PROCR: variants seen among roughly 807,000 people sequenced by gnomAD.
The protein encoded by PROCR is protein C receptor.
In PROCR, 22 loss-of-function variants were observed where a neutral mutation model predicts 24.2. That is an observed-to-expected ratio of 0.91 (90% CI 0.65 to 1.30). The LOEUF (loss-of-function observed/expected upper bound fraction) is 1.30. PROCR is among the 50% of genes most tolerant of loss of function. PROCR has a pLI of 0.00. For synonymous variants in PROCR, 137 were observed against 139.2 expected, an observed-to-expected ratio of 0.98 and a Z score of 0.11; for missense variants, 288 against 307.7, an observed-to-expected ratio of 0.94 and a Z score of 0.48.
chr20:35,179,993 C>T (rs374528789), downstream of PROCR, among the ~76,000 whole-genome samples: 1 of 152,098 alleles, frequency 6.6e-6, no homozygotes, highest in East Asian at 1.9e-4. Context: ...CGCTTGTAAT[C>T]GCAGCACTTT....
chr20:35,187,016 A>G (rs993384392), intron 1 of PROCR, among the ~76,000 whole-genome samples: 1 of 152,060 alleles, frequency 6.6e-6, no homozygotes, highest in Non-Finnish European at 1.5e-5. Context: ...AAACATGTTA[A>G]CAATTAGGTC....
intron 1 of PROCR, among the ~76,000 whole-genome samples, chr20:35,199,451 T>G (rs2060310854): frequency 6.6e-6 from 1 of 152,142 alleles, no homozygotes; most frequent in Admixed American, 6.6e-5. Context: ...GATTTTCAAG[T>G]CTTATTTAAG....
intron 1 of PROCR, among the ~76,000 whole-genome samples, chr20:35,204,406 T>TCC (rs2060330353): frequency 7.3e-6 from 1 of 137,296 alleles, no homozygotes; most frequent in African/African-American, 2.7e-5. Context: ...CCTTCTCTCT[T>TCC]TTCTTTCCTT....
chr20:35,205,825 A>C (rs1378544671), intron 1 of PROCR, among the ~76,000 whole-genome samples: 1 of 139,816 alleles, frequency 7.2e-6, no homozygotes, highest in Admixed American at 7.1e-5. Context: ...ATATATACAT[A>C]TATCTACATA....
intron 1 of PROCR, among the ~76,000 whole-genome samples, chr20:35,200,362 A>T (rs1032388753): frequency 6.6e-5 from 10 of 152,170 alleles, no homozygotes; most frequent in Non-Finnish European, 1.2e-4. Context: ...TTGTTGTCTT[A>T]TTTTAAGAAA....
At chr20:35,211,195 C>T (rs1167692187) in intron 1 of PROCR, among the ~76,000 whole-genome samples, 1 of 152,160 alleles carries the variant, frequency 6.6e-6, no homozygotes, top group Non-Finnish European at 1.5e-5. Flanking sequence ...CTATTGCATA[C>T]CCCATTTGAA....
intron 1 of PROCR, among the ~76,000 whole-genome samples, chr20:35,173,118 TCA>T (rs2085966126): frequency 1.3e-5 from 2 of 152,146 alleles, no homozygotes; most frequent in Admixed American, 6.5e-5. Context: ...CAGGACCCAC[TCA>T]CACACACAGA....
chr20:35,190,883 C>T (rs1361398364), intron 1 of PROCR, among the ~76,000 whole-genome samples: 1 of 152,110 alleles, frequency 6.6e-6, no homozygotes, highest in East Asian at 1.9e-4. Context: ...TTTTTTGAGA[C>T]AGAGTCTCGC....
At chr20:35,201,183 A>G in intron 1 of PROCR, among the ~76,000 whole-genome samples, 1 of 151,812 alleles carries the variant, frequency 6.6e-6, no homozygotes, top group African/African-American at 2.4e-5. Context: ...AAAAAAAACC[A>G]CAAAAGATAT....
At chr20:35,178,523 T>TG (rs1343022406), downstream of PROCR, among the ~76,000 whole-genome samples, 1 of 56,608 alleles carries the variant, frequency 1.8e-5, no homozygotes, top group African/African-American at 1.4e-4. Context: ...TTTTTTTTTT[T>TG]TTTTTTTTTT....
intron 1 of PROCR, chr20:35,174,296 T>G: frequency 3.4e-6 from 1 of 291,498 alleles, no homozygotes; most frequent in South Asian, 3.6e-5. Flanking sequence ...ACTACCCCAG[T>G]CTAGATGAGA....
chr20:35,199,968 A>G (rs1007456238), intron 1 of PROCR, among the ~76,000 whole-genome samples: 7 of 152,212 alleles, frequency 4.6e-5, no homozygotes, highest in South Asian at 4.1e-4. Flanking sequence ...GAGAGGTTCA[A>G]GTCTTCAGTG....
At chr20:35,203,353 C>T (rs2060325885) in intron 1 of PROCR, 1 of 152,142 alleles carries the variant, frequency 6.6e-6, no homozygotes, top group Non-Finnish European at 1.5e-5. Flanking sequence ...AATGTCATTG[C>T]ATAACATTGT....
At chr20:35,205,477 C>T (rs910656655) in intron 1 of PROCR, among the ~76,000 whole-genome samples, 50 of 148,118 alleles carry the variant, frequency 3.4e-4, no homozygotes, top group South Asian at 6.4e-4. Flanking sequence ...ATTGGCCGGG[C>T]GCAGTGGCTC....
At position 35,211,382 on chromosome 20, in the gene PROCR, G is replaced by A. The variant is rs188583417; in HGVS notation, c.95-4511G>A. Among the ~76,000 whole-genome samples, 379 of 152,222 alleles carry A rather than the reference G, an allele frequency of 2.5e-3. 1 individual carries two copies. Among genetic ancestry groups the A allele is most frequent in the African/African-American group, 8.8e-3 (364 of 41,538 alleles). ...CTTGCGGGAGCCTCCAAAATTTTCAGGTCCAGGTACCTCCCACCCCTTCAA... is the reference window on the plus strand; with the variant it reads ...CTTGCGGGAGCCTCCAAAATTTTCAAGTCCAGGTACCTCCCACCCCTTCAA... On this transcript the variant is annotated intron_variant, in intron 1 of 1. Coordinates refer to the PROCR transcript ENST00000634509.
At chr20:35,175,577 C>CTTT (rs1284592742) in intron 2 of PROCR, among the ~76,000 whole-genome samples, 2,936 of 50,882 alleles carry the variant, frequency 0.058, 26 homozygotes, top group African/African-American at 0.11. Context: ...ACCCCACCCC[C>CTTT]CTTTTTTTTT....
chr20:35,205,844 T>C (rs1300284918), intron 1 of PROCR, among the ~76,000 whole-genome samples: 2 of 142,992 alleles, frequency 1.4e-5, no homozygotes, highest in South Asian at 2.2e-4. Context: ...TATACATATA[T>C]ACATGTATAC....
At chr20:35,201,816 AT>A (rs2060319282) in intron 1 of PROCR, 1 of 152,236 alleles carries the variant, frequency 6.6e-6, no homozygotes, top group African/African-American at 2.4e-5. Flanking sequence ...AAAGATATAA[AT>A]ATAGGGAAAT....
At chr20:35,182,928 C>T (rs747956384) in intron 1 of PROCR, among the ~76,000 whole-genome samples, 7 of 141,786 alleles carry the variant, frequency 4.9e-5, no homozygotes, top group Non-Finnish European at 1.1e-4. Context: ...GAGTTGAGAT[C>T]GTGCCACTGC....
Sources: allele counts gnomAD v4.1 joint callset (sites outside exome capture counted in the v4.1 genomes callset), GRCh38; gene constraint gnomAD v4.1.1; transcripts MANE v1.5; gene names NCBI Gene and HGNC (gene_info 2026-07-23, HGNC 2026-07-21).